The following BMPR2 variants were observed in gnomAD, a reference collection of about 807,000 sequenced individuals.
The protein encoded by BMPR2 is bone morphogenetic protein receptor type 2.
A neutral mutation model predicts 100.8 loss-of-function variants in BMPR2; 29 were observed. That is an observed-to-expected ratio of 0.29 (90% confidence interval 0.21 to 0.39). The LOEUF is 0.39. Among genes scored for constraint, BMPR2 ranks in the 10% least tolerant of loss-of-function variants. The pLI is 1.00. For synonymous variants in BMPR2, 382 were observed against 442.3 expected (o/e 0.86, Z 1.71); for missense variants, 1,011 against 1,274.5 (o/e 0.79, Z 3.15).
Position 202,447,382 on chromosome 2 carries a change from A to T in BMPR2, c.77-17427A>T, listed in dbSNP as rs567858820. On this transcript the variant is annotated intron_variant, in intron 1 of 12. Transcript: ENST00000374580. Reference sequence around the variant, plus strand: ...GGGTATAGTATGATTTTGACAACCTAAATATATCTATAGAGAACTGATTAC... The same window carrying T: ...GGGTATAGTATGATTTTGACAACCTTAATATATCTATAGAGAACTGATTAC... Among the ~76,000 whole-genome samples, 181 of 150,722 alleles carry T rather than the reference A, an allele frequency of 1.2e-3. 19 individuals carry two copies. The highest frequency in any genetic ancestry group is 4.2e-3 in the African/African-American group (170 of 40,060).
chr2:202,411,606 A>T (rs1186050959), intron 1 of BMPR2, among the ~76,000 whole-genome samples: 1 of 152,106 alleles, frequency 6.6e-6, no homozygotes, highest in Non-Finnish European at 1.5e-5. Context: ...GACTCCATTC[A>T]GGTTTTGTGT....
rs766741057 is a variant in BMPR2, at chr2:202,556,462, A to G, written c.2797A>G (p.Arg933Gly). The change falls in exon 12 of 13, where the codon AGA becomes GGA. Residue 933 changes from arginine (R) to glycine (G), a missense_variant. Physicochemically the swap from Arg to Gly is moderately radical, Grantham distance 125. This residue lies in a region of BMPR2 where 508 missense variants were observed against 552.0 expected (regional missense o/e 0.92). Transcript: ENST00000374580. ...AGCAGATCCTGGGCCATCAAAGCCC[A>G]GAAGAGCACAGAGGCCTAATTCTCT... is the stretch of plus-strand genomic sequence containing the variant. ...TAADPGPSKPRRAQRPNSLDL... is the reference protein window; with the variant it reads ...TAADPGPSKPGRAQRPNSLDL... 1.2e-6 allele frequency: 2 copies of G among 1,614,252 alleles called. No individual in the cohort carries two copies. The highest frequency in any genetic ancestry group is 2.2e-5 in the South Asian group (2 of 91,088).
chr2:202,453,641 A>T (rs1445434402), intron 1 of BMPR2, among the ~76,000 whole-genome samples: 2 of 152,178 alleles, frequency 1.3e-5, no homozygotes, highest in African/African-American at 2.4e-5. Context: ...GAGTAGAAAG[A>T]TGGTTATCAG....
At chr2:202,408,978 G>A (rs1353115899) in intron 1 of BMPR2, among the ~76,000 whole-genome samples, 3 of 152,140 alleles carry the variant, frequency 2.0e-5, no homozygotes, top group African/African-American at 4.8e-5. Context: ...CCTTGTCAAG[G>A]AGATACTGCA....
intron 1 of BMPR2, among the ~76,000 whole-genome samples, chr2:202,403,745 G>C (rs539896501): frequency 6.6e-6 from 1 of 152,090 alleles, no homozygotes; most frequent in Non-Finnish European, 1.5e-5. Flanking sequence ...GGTGGCTCAC[G>C]CCTATAATCC....
Position 202,424,146 on chromosome 2 carries a change from G to T in BMPR2, c.77-40663G>T, listed in dbSNP as rs190179651. ...CCCAGCACTTTGAGAGGCCGAGGCG[G>T]GCAGATCACTTGAAGTCAGGAATTT... On this transcript the variant is annotated intron_variant, in intron 1 of 12. Coordinates refer to ENST00000374580, the MANE Select transcript of BMPR2 (RefSeq NM_001204.7). 1.0e-3 allele frequency among the ~76,000 whole-genome samples: 153 copies of T among 151,808 alleles called. 1 individual carries two copies. Among genetic ancestry groups the T allele is most frequent in the African/African-American group, 3.6e-3 (148 of 41,374 alleles).
At chr2:202,476,684 G>A (rs1415898288) in intron 3 of BMPR2, among the ~76,000 whole-genome samples, 1 of 152,128 alleles carries the variant, frequency 6.6e-6, no homozygotes, top group African/African-American at 2.4e-5. Flanking sequence ...GGTTACTTGG[G>A]AGGCTGAGGC....
At chr2:202,479,301 A>G (rs1433265863) in intron 3 of BMPR2, among the ~76,000 whole-genome samples, 2 of 152,196 alleles carry the variant, frequency 1.3e-5, no homozygotes, top group Admixed American at 6.5e-5. Flanking sequence ...GCCAACAGCT[A>G]TTGAGTGAGC....
chr2:202,445,218 A>ATTTG (rs1243986016), intron 1 of BMPR2, among the ~76,000 whole-genome samples: 1 of 149,956 alleles, frequency 6.7e-6, no homozygotes, highest in Admixed American at 6.6e-5. Flanking sequence ...TTATTTATTT[A>ATTTG]TTTATATTTG....
chr2:202,552,802 G>A lies in BMPR2; in HGVS notation c.1500G>A (p.Arg500=), dbSNP rs1466230481. Residue 500 remains arginine (R), a synonymous_variant, in exon 11 of 13, where the codon AGG becomes AGA. Transcript: ENST00000374580. ...ARLTAQCAEE[R]MAELMMIWER... ...TTACTGCACAGTGTGCTGAGGAAAG[G>A]ATGGCTGAACTTATGATGATTTGGG... 6.8e-6 allele frequency: 11 copies of A among 1,614,170 alleles called. No homozygotes were observed. The highest frequency in any genetic ancestry group is 1.1e-5 in the South Asian group (1 of 91,080).
intron 1 of BMPR2, among the ~76,000 whole-genome samples, chr2:202,427,472 CA>C (rs1175450406): frequency 6.7e-5 from 10 of 148,334 alleles, no homozygotes; most frequent in African/African-American, 2.2e-4. Flanking sequence ...TTTTGTGGAC[CA>C]AAAATCAAAT....
chr2:202,459,477 C>T (rs546348897), intron 1 of BMPR2, among the ~76,000 whole-genome samples: 19 of 152,058 alleles, frequency 1.2e-4, no homozygotes, highest in Non-Finnish European at 2.5e-4. Context: ...TTTCCTGATC[C>T]TCTCCCTCCT....
rs568136148 is a variant in BMPR2, at chr2:202,376,545, G to GGCAGCA, written c.-924_-919dup. 4.3e-5 allele frequency among the ~76,000 whole-genome samples: 6 copies of GGCAGCA among 140,582 alleles called. No homozygotes were observed. Among genetic ancestry groups the GGCAGCA allele is most frequent in the East Asian group, 4.3e-4 (2 of 4,602 alleles). The allele number at this position is 140,582 out of a possible 152,430, so 92.2% of individuals were successfully genotyped here. A position where few individuals can be genotyped will look rare whatever the true frequency, so the allele number is the denominator to read the frequency against. Reference sequence around the variant, plus strand: ...CGGCGGCGGCGGCGGCGGCGGCGGCGGCAGCAGCAGCGGCTTCCTCGGGGG... The same window carrying GGCAGCA: ...CGGCGGCGGCGGCGGCGGCGGCGGCGGCAGCAGCAGCAGCAGCGGCTTCCTCGGGGG... On this transcript the variant is annotated 5_prime_UTR_variant, in exon 1 of 13. Coordinates refer to ENST00000374580, the MANE Select transcript of BMPR2 (RefSeq NM_001204.7).
intron 1 of BMPR2, among the ~76,000 whole-genome samples, chr2:202,434,744 C>G (rs1230675247): frequency 2.0e-5 from 3 of 148,040 alleles, no homozygotes; most frequent in East Asian, 3.9e-4. Flanking sequence ...CTACCTCAGC[C>G]TCCCAAGTAG....
intron 1 of BMPR2, among the ~76,000 whole-genome samples, chr2:202,384,561 T>TTTCC (rs1690381790): frequency 6.6e-4 from 1 of 1,512 alleles, no homozygotes; most frequent in Non-Finnish European, 1.4e-3. Flanking sequence ...TCTTTCTTTC[T>TTTCC]TTCTTTCTTT....
intron 1 of BMPR2, among the ~76,000 whole-genome samples, chr2:202,428,549 C>T (rs1215352175): frequency 6.6e-6 from 1 of 151,654 alleles, no homozygotes; most frequent in East Asian, 1.9e-4. Flanking sequence ...CAGGTGCATG[C>T]CACCACACCC....
At chr2:202,542,897 C>T (rs954497492) in intron 10 of BMPR2, among the ~76,000 whole-genome samples, 2 of 152,030 alleles carry the variant, frequency 1.3e-5, no homozygotes, top group African/African-American at 4.8e-5. Flanking sequence ...TATAATTCGG[C>T]TGGGTGCGGT....
At chr2:202,557,005 A>G (rs1688586549) in intron 12 of BMPR2, among the ~76,000 whole-genome samples, 1 of 151,282 alleles carries the variant, frequency 6.6e-6, no homozygotes, top group South Asian at 2.1e-4. Context: ...CCTGGGCAAA[A>G]AAGTGAAACT....
chr2:202,446,124 G>T (rs1691843596), intron 1 of BMPR2, among the ~76,000 whole-genome samples: 1 of 150,600 alleles, frequency 6.6e-6, no homozygotes, highest in Admixed American at 6.6e-5. Context: ...ACACAGGCTG[G>T]GCGTGGTGGC....
Sources: gnomAD v4.1 joint callset for allele counts (sites outside exome capture counted in the v4.1 genomes callset) on GRCh38, gnomAD v4.1.1 for gene constraint, gnomAD v4.1.1 regional missense constraint, MANE v1.5 for transcripts, NCBI Gene and HGNC (gene_info 2026-07-23, HGNC 2026-07-21) for gene names.